SLC25A48: variants seen among roughly 807,000 people sequenced by gnomAD.
The protein encoded by SLC25A48 is CTC-321K16.1.
SLC25A48 carries 29 observed loss-of-function variants against 32.2 expected under a neutral mutation model. The ratio of observed to expected loss-of-function variants is 0.90; its 90% CI spans 0.67 to 1.23. The LOEUF (loss-of-function observed/expected upper bound fraction) is 1.23. Among genes scored for constraint, SLC25A48 ranks in the 50% most tolerant of loss-of-function variants. SLC25A48 has a pLI of 0.00. For synonymous variants in SLC25A48, 164 were observed against 172.3 expected (o/e 0.95, Z 0.38); for missense variants, 399 against 422.7 (o/e 0.94, Z 0.49).
chr5:135,746,046 T>G (rs967778282), intron 3 of SLC25A48, among the ~76,000 whole-genome samples: 26 of 152,050 alleles, frequency 1.7e-4, no homozygotes, highest in Admixed American at 1.3e-4. Flanking sequence ...CCTTCTACAG[T>G]CCTCCTCCCT....
intron 3 of SLC25A48, among the ~76,000 whole-genome samples, chr5:135,784,256 CAG>C (rs35127563): frequency 0.51 from 57,618 of 114,004 alleles, 21,870 homozygotes; most frequent in Middle Eastern, 0.67. Context: ...CCCAATAGCG[CAG>C]AGAGTGTACA....
intron 3 of SLC25A48, among the ~76,000 whole-genome samples, chr5:135,674,676 T>C (rs1187695570): frequency 6.6e-6 from 1 of 152,096 alleles, no homozygotes; most frequent in African/African-American, 2.4e-5. Context: ...ATGATTTTAT[T>C]CTTTCTTTAT....
intron 7 of SLC25A48, among the ~76,000 whole-genome samples, chr5:135,884,250 G>A (rs1370248279): frequency 2.6e-5 from 4 of 152,126 alleles, no homozygotes; most frequent in East Asian, 1.9e-4. Flanking sequence ...TTAATAGACC[G>A]AAGACCAAAG....
intron 3 of SLC25A48, among the ~76,000 whole-genome samples, chr5:135,740,638 G>A (rs2001304): frequency 0.24 from 35,757 of 152,116 alleles, 4,783 homozygotes; most frequent in East Asian, 0.45. Context: ...TGAGAATGCC[G>A]TTTGAGTGCT....
chr5:135,729,703 T>C (rs1755179836), intron 3 of SLC25A48, among the ~76,000 whole-genome samples: 2 of 152,186 alleles, frequency 1.3e-5, no homozygotes, highest in Non-Finnish European at 1.5e-5. Context: ...GCTCAGAAAG[T>C]TCCTCATTTT....
chr5:135,841,541 A>G (rs991760776), intron 1 of SLC25A48, among the ~76,000 whole-genome samples: 1 of 152,208 alleles, frequency 6.6e-6, no homozygotes, highest in African/African-American at 2.4e-5. Flanking sequence ...TTAGTTTTTC[A>G]TGACATAGGG....
Position 135,616,590 on chromosome 5 carries a change from A to G in SLC25A48, c.-848-12647A>G, listed in dbSNP as rs1226388341. ...TGCTTGTACCACCATTGTATCTTGG[A>G]AGTAACTAACTTGTTTTTGATTTTA... On this transcript the variant is annotated intron_variant, in intron 1 of 10. Transcript: ENST00000646290. Among the ~76,000 whole-genome samples, 4 of 152,178 alleles carry G rather than the reference A, an allele frequency of 2.6e-5. No homozygotes were observed. The East Asian group carries it at 7.7e-4, about 29-fold the overall frequency.
At chr5:135,658,012 T>C (rs1337442763) in intron 3 of SLC25A48, among the ~76,000 whole-genome samples, 1 of 152,140 alleles carries the variant, frequency 6.6e-6, no homozygotes, top group African/African-American at 2.4e-5. Context: ...AGCCAAACCA[T>C]ATCATTGTGC....
chr5:135,635,116 C>T (rs1752669096), intron 3 of SLC25A48, among the ~76,000 whole-genome samples: 1 of 152,182 alleles, frequency 6.6e-6, no homozygotes, highest in Non-Finnish European at 1.5e-5. Context: ...TGAAGGTGTC[C>T]TCTGTCTGCA....
intron 3 of SLC25A48, among the ~76,000 whole-genome samples, chr5:135,785,112 C>G (rs1456278936): frequency 6.6e-6 from 1 of 152,136 alleles, no homozygotes; most frequent in Non-Finnish European, 1.5e-5. Flanking sequence ...GAAGATATTA[C>G]TCCGAATATC....
chr5:135,646,659 T>TATATATATATATATATATATATA (rs1752965436), intron 3 of SLC25A48, among the ~76,000 whole-genome samples: 1 of 125,398 alleles, frequency 8.0e-6, no homozygotes, highest in Non-Finnish European at 1.7e-5. Context: ...TAATTTCCCA[T>TATATATATATATATATATATATA]TATATATATA....
chr5:135,627,222 G>C (rs2126903823), intron 1 of SLC25A48, among the ~76,000 whole-genome samples: 1 of 152,304 alleles, frequency 6.6e-6, no homozygotes, highest in Admixed American at 6.5e-5. Flanking sequence ...TCTGATTTCT[G>C]TCTATGTTGG....
intron 3 of SLC25A48, chr5:135,812,505 C>T (rs1435951219): frequency 3.3e-5 from 5 of 152,200 alleles, no homozygotes; most frequent in Admixed American, 3.3e-4. Flanking sequence ...AATTTCAACT[C>T]TGTTTTTCTC....
intron 4 of SLC25A48, among the ~76,000 whole-genome samples, chr5:135,814,940 C>A (rs916782003): frequency 6.6e-6 from 1 of 152,310 alleles, no homozygotes; most frequent in Non-Finnish European, 1.5e-5. Context: ...CTGTGATGGG[C>A]CCACAGAGTA....
At chr5:135,664,170 C>T (rs756126239) in intron 3 of SLC25A48, among the ~76,000 whole-genome samples, 11 of 152,204 alleles carry the variant, frequency 7.2e-5, no homozygotes, top group Non-Finnish European at 1.5e-4. Flanking sequence ...TTACTCTTTG[C>T]CACTTAGATA....
At chr5:135,703,892 T>A (rs777988744) in intron 3 of SLC25A48, among the ~76,000 whole-genome samples, 3 of 152,198 alleles carry the variant, frequency 2.0e-5, no homozygotes, top group Non-Finnish European at 4.4e-5. Context: ...GCCCTTAAGA[T>A]CTGGGGGGAA....
chr5:135,704,106 G>A (rs970964688), intron 3 of SLC25A48, among the ~76,000 whole-genome samples: 9 of 152,210 alleles, frequency 5.9e-5, no homozygotes, highest in African/African-American at 1.7e-4. Context: ...AGAAGGCAAA[G>A]GTTTCAGTGA....
At chr5:135,737,020 G>C (rs1014727401) in intron 3 of SLC25A48, among the ~76,000 whole-genome samples, 1 of 152,200 alleles carries the variant, frequency 6.6e-6, no homozygotes, top group African/African-American at 2.4e-5. Flanking sequence ...CTCTCATGGA[G>C]TAAAGAGCAG....
intron 3 of SLC25A48, among the ~76,000 whole-genome samples, chr5:135,643,285 G>A (rs1258998839): frequency 6.6e-6 from 1 of 152,208 alleles, no homozygotes; most frequent in African/African-American, 2.4e-5. Context: ...CAGAGTCCTT[G>A]TGTGTTTTCA....
Sources: allele counts gnomAD v4.1 joint callset (sites outside exome capture counted in the v4.1 genomes callset), GRCh38; gene constraint gnomAD v4.1.1; transcripts MANE v1.5; gene names NCBI Gene and HGNC (gene_info 2026-07-23, HGNC 2026-07-21).